The following RBFOX1 variants were observed in gnomAD, a reference collection of about 807,000 sequenced individuals.
RBFOX1 encodes the protein RNA binding protein fox-1 homolog 1.
In RBFOX1, 8 loss-of-function variants were observed where a neutral mutation model predicts 57.7. The observed-to-expected ratio is 0.14, with a 90% confidence interval of 0.08 to 0.25. The LOEUF is 0.25. Ranked by LOEUF, RBFOX1 falls within the 10% of genes least tolerant of loss-of-function variation. The probability of loss-of-function intolerance (pLI) is 1.00; values close to 1 mark genes in which losing one functional copy is unlikely to be tolerated. For synonymous variants in RBFOX1, 326 were observed against 222.4 expected (o/e 1.47, Z -4.15); for missense variants, 611 against 548.5 (o/e 1.11, Z -1.14).
chr16:6,553,760 C>T (rs545247590), intron 2 of RBFOX1, among the ~76,000 whole-genome samples: 3 of 152,262 alleles, frequency 2.0e-5, no homozygotes, highest in African/African-American at 7.2e-5. Context: ...GGAGAGGTGG[C>T]AGGTGAACCA....
intron 4 of RBFOX1, among the ~76,000 whole-genome samples, chr16:7,360,964 C>G (rs1230359314): frequency 6.6e-6 from 1 of 152,202 alleles, no homozygotes; most frequent in Admixed American, 6.5e-5. Context: ...ATTCCAAAGG[C>G]AACCTGAGTC....
At chr16:7,073,546 T>G (rs939138273) in intron 4 of RBFOX1, among the ~76,000 whole-genome samples, 2 of 152,178 alleles carry the variant, frequency 1.3e-5, no homozygotes, top group African/African-American at 2.4e-5. Context: ...AAATGTCCAG[T>G]AATGATAAAT....
intron 3 of RBFOX1, among the ~76,000 whole-genome samples, chr16:6,799,918 T>G (rs74007064): frequency 6.6e-6 from 1 of 152,240 alleles, no homozygotes; most frequent in Admixed American, 6.5e-5. Flanking sequence ...AGTTTGCAGA[T>G]GGCTTATAGT....
intron 3 of RBFOX1, among the ~76,000 whole-genome samples, chr16:6,989,117 A>T (rs990312809): frequency 6.6e-5 from 10 of 151,926 alleles, no homozygotes; most frequent in African/African-American, 2.2e-4. Flanking sequence ...GGTTGGCCTA[A>T]ACTCTTGACC....
At chr16:6,375,254 T>C (rs1363045951) in intron 2 of RBFOX1, among the ~76,000 whole-genome samples, 1 of 152,070 alleles carries the variant, frequency 6.6e-6, no homozygotes, top group Non-Finnish European at 1.5e-5. Flanking sequence ...CATTCTCTGA[T>C]GTCTTTTATT....
chr16:6,974,858 C>T (rs2086456900), intron 3 of RBFOX1, among the ~76,000 whole-genome samples: 1 of 152,116 alleles, frequency 6.6e-6, no homozygotes, highest in Non-Finnish European at 1.5e-5. Flanking sequence ...GCATTCAGTG[C>T]TCCCTGGAAG....
At chr16:6,585,420 C>G (rs2097594866) in intron 2 of RBFOX1, among the ~76,000 whole-genome samples, 1 of 152,130 alleles carries the variant, frequency 6.6e-6, no homozygotes. Flanking sequence ...AATTTTAATT[C>G]TAAGGTTGAC....
chr16:5,414,345 C>T (rs2067103066), intron 1 of RBFOX1, among the ~76,000 whole-genome samples: 1 of 152,164 alleles, frequency 6.6e-6, no homozygotes, highest in African/African-American at 2.4e-5. Flanking sequence ...CCACTTCCGT[C>T]CTCCGACACT....
intron 4 of RBFOX1, chr16:7,333,174 A>T: frequency 7.8e-7 from 1 of 1,287,148 alleles, no homozygotes; most frequent in East Asian, 2.3e-5. Flanking sequence ...GAAAGCAAAC[A>T]CTTTTAATAC....
chr16:7,061,327 T>G (rs1440969411), intron 4 of RBFOX1, among the ~76,000 whole-genome samples: 27 of 152,214 alleles, frequency 1.8e-4, no homozygotes, highest in Non-Finnish European at 3.1e-4. Context: ...TGTTCTCCAG[T>G]CTTTGCAAGA....
chr16:6,395,841 G>C (rs1474506346), intron 2 of RBFOX1, among the ~76,000 whole-genome samples: 2 of 152,026 alleles, frequency 1.3e-5, no homozygotes, highest in Non-Finnish European at 2.9e-5. Flanking sequence ...TGAGGCAGGT[G>C]GATTGCCTGA....
chr16:6,899,209 A>G (rs183153763), intron 3 of RBFOX1, among the ~76,000 whole-genome samples: 71 of 147,802 alleles, frequency 4.8e-4, no homozygotes, highest in Non-Finnish European at 8.1e-4. Flanking sequence ...ATGTGTGTAT[A>G]TGTGTGTGTA....
At chr16:6,181,777 G>A (rs1041345734) in intron 1 of RBFOX1, among the ~76,000 whole-genome samples, 5 of 152,114 alleles carry the variant, frequency 3.3e-5, no homozygotes, top group Admixed American at 6.5e-5. Flanking sequence ...TGTGCATGCA[G>A]TTGACCCACA....
chr16:6,676,135 C>T (rs1177811987), intron 3 of RBFOX1, among the ~76,000 whole-genome samples: 4 of 17,972 alleles, frequency 2.2e-4, no homozygotes, highest in Admixed American at 5.2e-4. Context: ...GGGACACACA[C>T]ACACGCGCAC....
At chr16:6,799,014 G>A (rs1000400776) in intron 3 of RBFOX1, among the ~76,000 whole-genome samples, 1 of 152,016 alleles carries the variant, frequency 6.6e-6, no homozygotes, top group Non-Finnish European at 1.5e-5. Flanking sequence ...GGTATATTTT[G>A]TTGCCATCCA....
chr16:7,146,515 C>T (rs144271987), intron 4 of RBFOX1, among the ~76,000 whole-genome samples: 89 of 152,280 alleles, frequency 5.8e-4, no homozygotes, highest in African/African-American at 2.0e-3. Flanking sequence ...AGCTAGGATG[C>T]ATAGGCCATC....
intron 3 of RBFOX1, among the ~76,000 whole-genome samples, chr16:6,846,635 A>C (rs954911104): frequency 6.6e-6 from 1 of 152,184 alleles, no homozygotes; most frequent in Non-Finnish European, 1.5e-5. Flanking sequence ...ATGTATTGGG[A>C]AAACAGTTGA....
intron 4 of RBFOX1, among the ~76,000 whole-genome samples, chr16:7,161,561 C>G (rs943265069): frequency 1.3e-5 from 2 of 152,094 alleles, no homozygotes; most frequent in Admixed American, 1.3e-4. Context: ...CAGTGAAGTC[C>G]TTTGCTAAGG....
At chr16:6,513,927 C>T (rs971465835) in intron 2 of RBFOX1, among the ~76,000 whole-genome samples, 2 of 152,044 alleles carry the variant, frequency 1.3e-5, no homozygotes, top group African/African-American at 4.8e-5. Flanking sequence ...AAGTGGAAAA[C>T]GGGCTGATGG....
Sources: allele counts gnomAD v4.1 joint callset (sites outside exome capture counted in the v4.1 genomes callset), GRCh38; gene constraint gnomAD v4.1.1; transcripts MANE v1.5; gene names NCBI Gene and HGNC (gene_info 2026-07-23, HGNC 2026-07-21).